The following ACP7 variants were observed in gnomAD, a reference collection of about 807,000 sequenced individuals.
ACP7 encodes acid phosphatase 7, tartrate resistant (putative).
A neutral mutation model predicts 60.6 loss-of-function variants in ACP7; 58 were observed. That is an observed-to-expected ratio of 0.96 (90% CI 0.77 to 1.19). ACP7 has a LOEUF of 1.19. Among genes scored for constraint, ACP7 ranks in the 50% most tolerant of loss-of-function variants. ACP7 has a pLI of 0.00. For missense variants in ACP7, 574 were observed against 596.2 expected (o/e 0.96, Z 0.39); for synonymous variants, 237 against 232.6 (o/e 1.02, Z -0.17).
chr19:39,094,468 A>G (rs544432299), intron 2 of ACP7, among the ~76,000 whole-genome samples: 5 of 148,516 alleles, frequency 3.4e-5, no homozygotes, highest in Non-Finnish European at 5.9e-5. Context: ...GCATCACTAC[A>G]CTCCAGCTTG....
intron 11 of ACP7, among the ~76,000 whole-genome samples, chr19:39,103,455 T>G (rs1047750177): frequency 1.4e-5 from 2 of 147,608 alleles, no homozygotes; most frequent in Admixed American, 6.9e-5. Context: ...TTTTTTTTTT[T>G]TTTTTTTTTT....
chr19:39,110,000 C>T, intron 12 of ACP7, 53 bp from the exon 13 acceptor site: 1 of 1,568,494 alleles, frequency 6.4e-7, no homozygotes, highest in South Asian at 1.1e-5. Flanking sequence ...CCATGTGGCC[C>T]CAGAGTTCAG....
intron 11 of ACP7, among the ~76,000 whole-genome samples, chr19:39,104,469 G>A (rs2073390740): frequency 6.6e-6 from 1 of 152,168 alleles, no homozygotes; most frequent in African/African-American, 2.4e-5. Context: ...GCTGCCACAC[G>A]GAGCATGAAA....
chr19:39,109,121 C>T (rs1254460576), intron 12 of ACP7, among the ~76,000 whole-genome samples: 2 of 152,104 alleles, frequency 1.3e-5, no homozygotes, highest in Admixed American at 6.6e-5. Context: ...CGCATGCGGC[C>T]CCAGTAGCAC....
intron 1 of ACP7, among the ~76,000 whole-genome samples, chr19:39,084,690 T>C (rs1029844606): frequency 5.9e-5 from 9 of 151,824 alleles, no homozygotes; most frequent in African/African-American, 1.7e-4. Context: ...CAGGCGGGAA[T>C]GCTTGGAATC....
intron 2 of ACP7, among the ~76,000 whole-genome samples, chr19:39,097,610 C>T (rs1161531962): frequency 7.3e-5 from 11 of 151,322 alleles, no homozygotes; most frequent in African/African-American, 2.7e-4. Flanking sequence ...GTACTGGGCC[C>T]GTTTCCTGCT....
Position 39,101,027 on chromosome 19 carries a change from C to G in ACP7, c.886C>G (p.Leu296Val), listed in dbSNP as rs576684815. 3 of 1,614,012 alleles carry G rather than the reference C, an allele frequency of 1.9e-6. No individual in the cohort carries two copies. Among genetic ancestry groups the G allele is most frequent in the East Asian group, 4.5e-5 (2 of 44,872 alleles). Residue 296 changes from leucine to valine, a missense_variant, in exon 8 of 13, where the codon CTG (leucine) becomes GTG (valine). Coordinates refer to ENST00000331256, the MANE Select transcript of ACP7 (RefSeq NM_001004318.3). ...GCCCATGTACTGCTCCAACGCAGAT[C>G]TGGACGACTGCACACGACATGAAAG... ...HRPMYCSNAD[L>V]DDCTRHESKV...
chr19:39,103,333 C>T (rs2073376366), intron 11 of ACP7, among the ~76,000 whole-genome samples: 1 of 151,538 alleles, frequency 6.6e-6, no homozygotes, highest in Non-Finnish European at 1.5e-5. Context: ...TGTTATTTAT[C>T]TGGATGTTTA....
At position 39,111,225 on chromosome 19, in the gene ACP7, G is replaced by C. The variant is rs2073467463; in HGVS notation, c.*1107G>C. 1 of 152,384 alleles carries C rather than the reference G, an allele frequency of 6.6e-6. No individual in the cohort carries two copies. The highest frequency in any genetic ancestry group is 2.4e-5 in the African/African-American group (1 of 41,434). 9.4% of individuals were successfully genotyped at this position (152,384 alleles called of 1,614,324 possible). ...GGAGGCCGAGGCGGGCAGATCACTT[G>C]AGCCCAGGAGTTTGAGACCAGCCTG... On this transcript the variant is annotated 3_prime_UTR_variant, in exon 13 of 13. Coordinates refer to ENST00000331256, the MANE Select transcript of ACP7 (RefSeq NM_001004318.3).
At chr19:39,089,330 A>C (rs2073179369) in intron 2 of ACP7, among the ~76,000 whole-genome samples, 1 of 152,026 alleles carries the variant, frequency 6.6e-6, no homozygotes, top group Admixed American at 6.6e-5. Flanking sequence ...GGCCTCCCAA[A>C]CTGCTGGGAT....
At chr19:39,098,333 T>C in intron 2 of ACP7, 125 bp from the exon 3 acceptor site, 1 of 538,282 alleles carries the variant, frequency 1.9e-6, no homozygotes, top group Non-Finnish European at 3.0e-6. Context: ...CTTGGGCAGT[T>C]CCAGAACCTG....
At position 39,100,764 on chromosome 19, in the gene ACP7, A is replaced by G; in HGVS notation, c.718A>G (p.Ile240Val). The G allele has an allele frequency of 6.2e-7, 1 of 1,613,844 alleles. No homozygotes were observed. The highest frequency in any genetic ancestry group is 8.5e-7 in the Non-Finnish European group (1 of 1,179,956). The change falls in exon 7 of 13, where the codon ATC becomes GTC. Residue 240 changes from isoleucine to valine, a missense_variant. Physicochemically the swap from Ile to Val is conservative, Grantham distance 29. Transcript: ENST00000331256. ...CTGGGATCTGGGTCCCGCCCACATCATCTCCTTCTCCACCGAGGTCTATTT... is the reference window on the plus strand; with the variant it reads ...CTGGGATCTGGGTCCCGCCCACATCGTCTCCTTCTCCACCGAGGTCTATTT... ...YSWDLGPAHI[I>V]SFSTEVYFFL...
chr19:39,098,421 T>G (rs546036779), intron 2 of ACP7, 37 bp from the exon 3 acceptor site: 33 of 1,180,956 alleles, frequency 2.8e-5, no homozygotes, highest in East Asian at 7.6e-5. Flanking sequence ...CTGCCCAGGC[T>G]TCACTCCCGG....
intron 2 of ACP7, among the ~76,000 whole-genome samples, chr19:39,093,175 C>CTTTCTTTCT (rs2073227377): frequency 2.4e-5 from 1 of 42,260 alleles, no homozygotes; most frequent in Non-Finnish European, 4.6e-5. Flanking sequence ...TCTTTCTCTC[C>CTTTCTTTCT]TTCCTTCCTT....
intron 11 of ACP7, among the ~76,000 whole-genome samples, chr19:39,102,274 G>A (rs942297978): frequency 2.0e-5 from 3 of 151,712 alleles, no homozygotes; most frequent in African/African-American, 4.8e-5. Context: ...AGTTATGATC[G>A]CACCAATGCA....
intron 2 of ACP7, among the ~76,000 whole-genome samples, chr19:39,093,173 TCC>T (rs2073227197): frequency 4.2e-5 from 5 of 119,166 alleles, no homozygotes; most frequent in South Asian, 2.7e-4. Context: ...TTTCTTTCTC[TCC>T]TTCCTTCCTT....
chr19:39,083,807 C>G (rs560801451), upstream of ACP7: 1 of 152,410 alleles, frequency 6.6e-6, no homozygotes, highest in Admixed American at 6.5e-5. Flanking sequence ...GAATAACTCA[C>G]CTAGGTCGCA....
chr19:39,085,464 A>G (rs2073130986), intron 2 of ACP7, 74 bp downstream of exon 2: 1 of 1,513,088 alleles, frequency 6.6e-7, no homozygotes, highest in Non-Finnish European at 8.9e-7. Context: ...AGGGCTCAGG[A>G]ATCCCACACT....
At chr19:39,099,992 CAAAAAAAAAAA>C in intron 4 of ACP7, among the ~76,000 whole-genome samples, 1 of 72,500 alleles carries the variant, frequency 1.4e-5, no homozygotes, top group East Asian at 4.1e-4. Context: ...GACTCTGTCT[CAAAAAAAAAAA>C]AAAAAAAAAA....
Sources: allele counts gnomAD v4.1 joint callset (sites outside exome capture counted in the v4.1 genomes callset), GRCh38; gene constraint gnomAD v4.1.1; transcripts MANE v1.5; gene names NCBI Gene and HGNC (gene_info 2026-07-23, HGNC 2026-07-21).